Variants in HYAL4 observed in about 807,000 individuals in gnomAD.
HYAL4 encodes hyaluronidase 4, also known as hyaluronidase-4.
Under a neutral mutation model 35.2 loss-of-function variants are expected in HYAL4, and 37 were observed. The observed-to-expected ratio is 1.05, with a 90% confidence interval of 0.81 to 1.38. The LOEUF (loss-of-function observed/expected upper bound fraction) is 1.38, where lower values mean the gene tolerates loss of function less well. HYAL4 is among the 40% of genes most tolerant of loss of function. The pLI is 0.00. For missense variants in HYAL4, 572 were observed against 572.4 expected, an observed-to-expected ratio of 1.00 and a Z score of 0.01; for synonymous variants, 198 against 203.2, an observed-to-expected ratio of 0.97 and a Z score of 0.22.
At chr7:123,824,066 A>G (rs1805766032), upstream of HYAL4, among the ~76,000 whole-genome samples, 1 of 152,182 alleles carries the variant, frequency 6.6e-6, no homozygotes, top group East Asian at 1.9e-4. Flanking sequence ...ATTGTTAAGA[A>G]CAGGAGTCCT....
the HYAL4 span, among the ~76,000 whole-genome samples, chr7:123,813,391 A>G: frequency 8.5e-5 from 13 of 152,276 alleles, no homozygotes; most frequent in South Asian, 2.1e-3. Context: ...AGGGGCCTAA[A>G]GAGACAAGTT....
In HYAL4 at chr7:123,864,899, G is replaced by A. The variant is rs187017233; in HGVS notation, c.-51-3324G>A. On this transcript the variant is annotated intron_variant, in intron 2 of 4. Coordinates refer to ENST00000223026, the MANE Select transcript of HYAL4 (RefSeq NM_012269.3). ...CTGACATACAGCAAGCAGAAGACAC[G>A]GGCACAGGATTTTACTTATTTATTT... 1.7e-4 allele frequency among the ~76,000 whole-genome samples: 25 copies of A among 151,334 alleles called. 1 individual carries two copies. The highest frequency in any genetic ancestry group is 4.2e-4 in the South Asian group (2 of 4,756).
chr7:123,832,557 C>T (rs958175418), intron 1 of HYAL4, among the ~76,000 whole-genome samples: 1 of 123,870 alleles, frequency 8.1e-6, no homozygotes, highest in Admixed American at 1.1e-4. Context: ...TGGAGTGCAG[C>T]GGTGCCATCT....
chr7:123,822,063 T>A, the HYAL4 span, among the ~76,000 whole-genome samples: 1 of 152,162 alleles, frequency 6.6e-6, no homozygotes, highest in Non-Finnish European at 1.5e-5. Context: ...TAATATATAT[T>A]TAAATGAGGA....
At chr7:123,862,559 G>A (rs189400157) in intron 2 of HYAL4, among the ~76,000 whole-genome samples, 20 of 152,280 alleles carry the variant, frequency 1.3e-4, no homozygotes, top group Admixed American at 1.2e-3. Context: ...AAAAAACATC[G>A]CACTGGGTGT....
the HYAL4 span, among the ~76,000 whole-genome samples, chr7:123,812,495 G>A: frequency 6.6e-6 from 1 of 152,046 alleles, no homozygotes; most frequent in Non-Finnish European, 1.5e-5. Flanking sequence ...TTTTCCATAG[G>A]CTAGCTAGAA....
chr7:123,818,247 A>G, the HYAL4 span, among the ~76,000 whole-genome samples: 1 of 152,168 alleles, frequency 6.6e-6, no homozygotes, highest in Admixed American at 6.5e-5. Flanking sequence ...AGAAATTCAT[A>G]TGTTTTTACT....
the HYAL4 span, among the ~76,000 whole-genome samples, chr7:123,781,943 A>G: frequency 2.6e-5 from 4 of 152,004 alleles, no homozygotes; most frequent in Non-Finnish European, 4.4e-5. Context: ...GTTTCACTTT[A>G]TATCCCAGGC....
chr7:123,847,957 C>T (rs150834905), intron 1 of HYAL4, 132 bp from the exon 2 acceptor site: 9 of 152,572 alleles, frequency 5.9e-5, no homozygotes, highest in African/African-American at 2.2e-4. Context: ...TTTCAGAAAG[C>T]AATGGTCATG....
At chr7:123,810,340 C>A in the HYAL4 span, among the ~76,000 whole-genome samples, 1 of 152,056 alleles carries the variant, frequency 6.6e-6, no homozygotes, top group Non-Finnish European at 1.5e-5. Context: ...AAAAAAAAAC[C>A]CGTGTTACTT....
At chr7:123,805,797 A>G in the HYAL4 span, among the ~76,000 whole-genome samples, 1 of 152,158 alleles carries the variant, frequency 6.6e-6, no homozygotes, top group South Asian at 2.1e-4. Flanking sequence ...ATTGCAGTAA[A>G]AGAATCAGCA....
chr7:123,871,249 T>C (rs1263942617), intron 3 of HYAL4, among the ~76,000 whole-genome samples: 1 of 151,588 alleles, frequency 6.6e-6, no homozygotes, highest in Non-Finnish European at 1.5e-5. Flanking sequence ...TGGAGTGCAG[T>C]GGCGCGATTT....
chr7:123,834,100 G>GT (rs1805925120), intron 1 of HYAL4, among the ~76,000 whole-genome samples: 1 of 151,968 alleles, frequency 6.6e-6, no homozygotes, highest in Non-Finnish European at 1.5e-5. Flanking sequence ...TTTTAGGATT[G>GT]TTTTTTCTAG....
rs748180205 is a variant in HYAL4, at chr7:123,869,055, C to G, written c.782C>G (p.Ser261Cys). Residue 261 changes from serine (S) to cysteine (C), a missense_variant, in exon 3 of 5, where the codon TCT (serine) becomes TGT (cysteine). By Grantham distance (112) the Ser-to-Cys change is moderately radical. Transcript: ENST00000223026. Reference protein sequence around the residue: ...LWNSSAALYPSIGVWKSLGDS... With the variant: ...LWNSSAALYPCIGVWKSLGDS... ...AACAGCAGTGCTGCTTTATATCCTT[C>G]TATCGGTGTCTGGAAATCCCTTGGA... 8.7e-6 allele frequency: 14 copies of G among 1,614,202 alleles called. No homozygotes were observed. The highest frequency in any genetic ancestry group is 1.2e-5 in the Non-Finnish European group (14 of 1,180,030).
At chr7:123,851,350 T>C (rs1278338216) in intron 2 of HYAL4, among the ~76,000 whole-genome samples, 1 of 152,156 alleles carries the variant, frequency 6.6e-6, no homozygotes, top group Non-Finnish European at 1.5e-5. Flanking sequence ...CCAATCCACC[T>C]GTCATCTACA....
upstream of HYAL4, among the ~76,000 whole-genome samples, chr7:123,842,180 G>T (rs189716293): frequency 2.8e-4 from 42 of 152,174 alleles, no homozygotes; most frequent in African/African-American, 8.2e-4. Context: ...GTGTCCCAGA[G>T]ATTCTGATAC....
chr7:123,836,989 C>G (rs1207790034), intron 1 of HYAL4, among the ~76,000 whole-genome samples: 1 of 151,556 alleles, frequency 6.6e-6, no homozygotes, highest in East Asian at 1.9e-4. Flanking sequence ...GGTTGCACTA[C>G]AGCCTGGGCA....
intron 1 of HYAL4, 149 bp downstream of exon 1, chr7:123,845,834 A>G (rs1403697210): frequency 6.6e-6 from 1 of 152,250 alleles, no homozygotes; most frequent in African/African-American, 2.4e-5. Flanking sequence ...TTTTTGACCC[A>G]CGGGGTGTTC....
Position 123,877,211 on chromosome 7 carries a change from A to T in HYAL4, c.*56A>T. ...CTCTAGCCTAGTCATTTAAAGAAGG[A>T]TGTAACTTATAACATTTTTTTTCTC... On this transcript the variant is annotated 3_prime_UTR_variant, in exon 5 of 5. Coordinates refer to ENST00000223026, the MANE Select transcript of HYAL4 (RefSeq NM_012269.3). The T allele has an allele frequency of 3.3e-6, 5 of 1,497,884 alleles. No homozygotes were observed. In the Admixed American group the frequency reaches 8.8e-5, roughly 26 times the overall value. The allele number at this position is 1,497,884 out of a possible 1,614,324, so 92.8% of individuals were successfully genotyped here.
Sources: gnomAD v4.1 joint callset for allele counts (sites outside exome capture counted in the v4.1 genomes callset) on GRCh38, gnomAD v4.1.1 for gene constraint, MANE v1.5 for transcripts, NCBI Gene and HGNC (gene_info 2026-07-23, HGNC 2026-07-21) for gene names.